Variants in MALRD1 observed in about 807,000 individuals in gnomAD.
MALRD1 encodes MAM and LDL-receptor class A domain-containing protein 1.
In MALRD1, 247 loss-of-function variants were observed where a neutral mutation model predicts 242.1. The ratio of observed to expected loss-of-function variants is 1.02; its 90% CI spans 0.92 to 1.13. The LOEUF (loss-of-function observed/expected upper bound fraction) is 1.13, where lower values mean the gene tolerates loss of function less well. Among genes scored for constraint, MALRD1 ranks in the 50% most tolerant of loss-of-function variants. MALRD1 has a pLI of 0.00. For missense variants in MALRD1, 2,989 were observed against 2,533.1 expected (o/e 1.18, Z -3.86); for synonymous variants, 995 against 866.6 (o/e 1.15, Z -2.60).
chr10:19,130,329 AC>A (rs1476297671), intron 8 of MALRD1, among the ~76,000 whole-genome samples: 1 of 152,106 alleles, frequency 6.6e-6, no homozygotes. Flanking sequence ...TGCTGTTTGA[AC>A]CAATCCCAGC....
At chr10:19,373,845 G>A (rs1845489519) in intron 26 of MALRD1, among the ~76,000 whole-genome samples, 1 of 152,130 alleles carries the variant, frequency 6.6e-6, no homozygotes, top group South Asian at 2.1e-4. Context: ...CTGAAAAACT[G>A]AAATTTTCTC....
At chr10:19,661,908 A>G (rs1389662259) in intron 36 of MALRD1, among the ~76,000 whole-genome samples, 1 of 152,200 alleles carries the variant, frequency 6.6e-6, no homozygotes, top group Non-Finnish European at 1.5e-5. Flanking sequence ...CAGAAACGAT[A>G]CATCTATTAA....
chr10:19,585,028 T>A (rs1837316357), intron 33 of MALRD1, among the ~76,000 whole-genome samples: 2 of 151,486 alleles, frequency 1.3e-5, no homozygotes, highest in African/African-American at 4.9e-5. Context: ...GTCTGTTTTA[T>A]CAGAGACTAG....
intron 38 of MALRD1, among the ~76,000 whole-genome samples, chr10:19,721,055 T>A (rs1252776997): frequency 6.6e-6 from 1 of 152,044 alleles, no homozygotes; most frequent in Non-Finnish European, 1.5e-5. Flanking sequence ...GCTCATTGAT[T>A]TTTAGGATGA....
chr10:19,063,846 TGAC>T, intron 1 of MALRD1, among the ~76,000 whole-genome samples: 1 of 152,040 alleles, frequency 6.6e-6, no homozygotes, highest in South Asian at 2.1e-4. Flanking sequence ...TAATGCTAAA[TGAC>T]GAGTTAATGG....
chr10:19,103,931 T>A, intron 4 of MALRD1, 48 bp from the exon 5 acceptor site: 2 of 1,110,200 alleles, frequency 1.8e-6, no homozygotes, highest in Non-Finnish European at 2.3e-6. Flanking sequence ...ACAGTGATGT[T>A]CCTTGCTTTA....
At chr10:19,442,446 G>C (rs1034838193) in intron 28 of MALRD1, among the ~76,000 whole-genome samples, 3 of 152,092 alleles carry the variant, frequency 2.0e-5, no homozygotes, top group Non-Finnish European at 2.9e-5. Context: ...TATGATATTG[G>C]CTGTGGGTTT....
At chr10:19,209,171 G>A in intron 17 of MALRD1, 97 bp from the exon 18 acceptor site, 1 of 1,151,354 alleles carries the variant, frequency 8.7e-7, no homozygotes, top group Non-Finnish European at 1.2e-6. Context: ...CATGAGCAAA[G>A]TATCAACTAG....
chr10:19,592,117 A>G (rs779151982), intron 33 of MALRD1, among the ~76,000 whole-genome samples: 7 of 152,216 alleles, frequency 4.6e-5, no homozygotes, highest in African/African-American at 1.2e-4. Context: ...AATTTAAACT[A>G]GATTCATTTT....
intron 36 of MALRD1, 35 bp from the exon 37 acceptor site, chr10:19,692,247 T>C: frequency 6.8e-7 from 1 of 1,480,566 alleles, no homozygotes; most frequent in East Asian, 2.5e-5. Context: ...TTCACTTTTC[T>C]TTTTTCCAAC....
intron 17 of MALRD1, among the ~76,000 whole-genome samples, chr10:19,205,585 G>A (rs10763883): frequency 0.64 from 97,872 of 151,824 alleles, 32,227 homozygotes; most frequent in African/African-American, 0.78. Context: ...TGATAGGAGC[G>A]ATGAAGAAGA....
At chr10:19,448,610 A>T (rs374711642) in intron 28 of MALRD1, among the ~76,000 whole-genome samples, 2 of 152,132 alleles carry the variant, frequency 1.3e-5, no homozygotes, top group African/African-American at 4.8e-5. Flanking sequence ...GGTCATTGGG[A>T]TTATATGTCA....
At chr10:19,426,462 G>GAT (rs1167027579) in intron 28 of MALRD1, among the ~76,000 whole-genome samples, 5 of 152,066 alleles carry the variant, frequency 3.3e-5, no homozygotes, top group African/African-American at 4.8e-5. Flanking sequence ...AATCAGTCAT[G>GAT]ATATATATAT....
chr10:19,501,746 AC>A (rs1837982292), intron 31 of MALRD1, among the ~76,000 whole-genome samples: 1 of 152,104 alleles, frequency 6.6e-6, no homozygotes, highest in Non-Finnish European at 1.5e-5. Context: ...AGAAAAAGAA[AC>A]AAGGCTGGGC....
chr10:19,223,219 G>A (rs1171301229), intron 18 of MALRD1, among the ~76,000 whole-genome samples: 2 of 151,986 alleles, frequency 1.3e-5, no homozygotes, highest in Non-Finnish European at 2.9e-5. Flanking sequence ...GAATTTCAAG[G>A]TCTGAAAAGA....
chr10:19,382,884 G>GTA (rs1564290319), intron 26 of MALRD1, among the ~76,000 whole-genome samples: 1 of 152,064 alleles, frequency 6.6e-6, no homozygotes, highest in Non-Finnish European at 1.5e-5. Context: ...TTAAAAGGAT[G>GTA]TATACTCTTT....
At chr10:19,589,364 G>A (rs1013390862) in intron 33 of MALRD1, among the ~76,000 whole-genome samples, 10 of 152,096 alleles carry the variant, frequency 6.6e-5, no homozygotes, top group African/African-American at 2.2e-4. Flanking sequence ...ATATTTGGTG[G>A]CATGCAAGTG....
At chr10:19,467,757 T>C (rs1836293080) in intron 29 of MALRD1, among the ~76,000 whole-genome samples, 1 of 151,188 alleles carries the variant, frequency 6.6e-6, no homozygotes, top group South Asian at 2.1e-4. Context: ...ATTTCCCTGG[T>C]TGCCTAATCT....
At position 19,088,167 on chromosome 10, in the gene MALRD1, G is replaced by C; in HGVS notation, c.579G>C (p.Gln193His). 8.1e-7 allele frequency: 1 copy of C among 1,233,300 alleles called. No individual in the cohort carries two copies. The highest frequency in any genetic ancestry group is 2.1e-4 in the Middle Eastern group (1 of 4,834). The allele number at this position is 1,233,300 out of a possible 1,614,324, so 76.4% of individuals were successfully genotyped here. A position where few individuals can be genotyped will look rare whatever the true frequency, so the allele number is the denominator to read the frequency against. The change falls in exon 4 of 40, where the codon CAG becomes CAC. Residue 193 changes from glutamine (Q) to histidine (H), a missense_variant. By Grantham distance (24) the Gln-to-His change is conservative (BLOSUM62 0). Transcript: ENST00000454679. Reference protein sequence around the residue: ...NQWERNVIKIQSSQRFQVVFE... With the variant: ...NQWERNVIKIHSSQRFQVVFE... Reference sequence around the variant, plus strand: ...GGGAGAGAAATGTCATCAAAATCCAGAGTTCACAGAGATTTCAGGTATGTG... The same window carrying C: ...GGGAGAGAAATGTCATCAAAATCCACAGTTCACAGAGATTTCAGGTATGTG...
Sources: gnomAD v4.1 joint callset for allele counts (sites outside exome capture counted in the v4.1 genomes callset) on GRCh38, gnomAD v4.1.1 for gene constraint, MANE v1.5 for transcripts, NCBI Gene and HGNC (gene_info 2026-07-23, HGNC 2026-07-21) for gene names.